The following SECISBP2L variants were observed in gnomAD, a reference collection of about 807,000 sequenced individuals.
SECISBP2L encodes the protein SECIS binding protein 2 like, also known as selenocysteine insertion sequence-binding protein 2-like.
Under a neutral mutation model 114.7 loss-of-function variants are expected in SECISBP2L, and 43 were observed. The ratio of observed to expected loss-of-function variants is 0.38; its 90% CI spans 0.29 to 0.48. The LOEUF (loss-of-function observed/expected upper bound fraction) is 0.48, where lower values mean the gene tolerates loss of function less well. SECISBP2L is among the 20% of genes least tolerant of loss of function. The probability of loss-of-function intolerance (pLI) is 0.98; values close to 1 mark genes in which losing one functional copy is unlikely to be tolerated. For missense variants in SECISBP2L, 1,136 were observed against 1,301.1 expected (o/e 0.87, Z 1.95); for synonymous variants, 451 against 439.7 (o/e 1.03, Z -0.32).
Position 49,000,944 on chromosome 15 carries a change from T to C in SECISBP2L, c.2181A>G (p.Lys727=). The change falls in exon 15 of 18, where the codon AAA becomes AAG. Residue 727 remains lysine (K), a synonymous_variant. Coordinates refer to ENST00000559471, the MANE Select transcript of SECISBP2L (RefSeq NM_001193489.2). The part of the protein sequence containing the change: ...RLVMGLREVT[K]HMKLNKIKCV... ...ACTTGATCTTGTTTAACTTCATATG[T>C]TTGGTAACTTCTCTTAGACCCATAA... 1 of 1,613,826 alleles carries C rather than the reference T, an allele frequency of 6.2e-7. No homozygotes were observed.
chr15:49,023,152 T>C (rs1457153045), intron 7 of SECISBP2L, among the ~76,000 whole-genome samples: 1 of 152,122 alleles, frequency 6.6e-6, no homozygotes. Context: ...AAGGAAAACC[T>C]AGCAAAATAT....
At chr15:49,046,024 C>T (rs1162229654) in intron 1 of SECISBP2L, among the ~76,000 whole-genome samples, 1 of 152,208 alleles carries the variant, frequency 6.6e-6, no homozygotes, top group Non-Finnish European at 1.5e-5. Context: ...CTTCTGACCC[C>T]TTCACCAAGC....
At chr15:49,019,927 G>A (rs1333732470) in intron 7 of SECISBP2L, among the ~76,000 whole-genome samples, 2 of 152,120 alleles carry the variant, frequency 1.3e-5, no homozygotes, top group Non-Finnish European at 2.9e-5. Flanking sequence ...CTACAGTATT[G>A]ATAAACTCAA....
chr15:49,035,279 T>C, intron 3 of SECISBP2L, 55 bp downstream of exon 3: 1 of 1,511,172 alleles, frequency 6.6e-7, no homozygotes, highest in Non-Finnish European at 9.0e-7. Context: ...AGCAAATTGC[T>C]TATACTAATA....
Position 48,992,246 on chromosome 15 carries a change from AC to A in SECISBP2L, c.3303del (p.Ter1102AsnfsTer37), listed in dbSNP as rs1901992851. ...HSDSNYTTQT[T>X] ...ATAGAGAGCCGACATTTCCTGAGTT[AC>A]GTAGTTTGCGTTGTGTAATTAGAAT... is the stretch of plus-strand genomic sequence containing the variant. On this transcript the variant is annotated frameshift_variant, in exon 18 of 18. Transcript: ENST00000559471. LOFTEE classifies it high-confidence loss of function. The A allele has an allele frequency of 6.3e-7, 1 of 1,596,040 alleles. No individual in the cohort carries two copies. The highest frequency in any genetic ancestry group is 8.5e-7 in the Non-Finnish European group (1 of 1,170,446).
chr15:48,992,026 G>T lies in SECISBP2L; in HGVS notation c.*218C>A. 1 of 431,408 alleles carries T rather than the reference G, an allele frequency of 2.3e-6. No individual in the cohort carries two copies. Among genetic ancestry groups the T allele is most frequent in the East Asian group, 3.4e-5 (1 of 29,654 alleles). 26.7% of individuals were successfully genotyped at this position (431,408 alleles called of 1,614,324 possible). A position where few individuals can be genotyped will look rare whatever the true frequency, so the allele number is the denominator to read the frequency against. ...ACTGTTTTTGATTACAAAATAAGCTGAAACAGATCTGAATTTTCCACACAG... is the reference window on the plus strand; with the variant it reads ...ACTGTTTTTGATTACAAAATAAGCTTAAACAGATCTGAATTTTCCACACAG... On this transcript the variant is annotated 3_prime_UTR_variant, in exon 18 of 18. Coordinates refer to ENST00000559471, the MANE Select transcript of SECISBP2L (RefSeq NM_001193489.2).
chr15:49,038,327 T>C (rs991439276), intron 1 of SECISBP2L, among the ~76,000 whole-genome samples: 4 of 152,072 alleles, frequency 2.6e-5, no homozygotes, highest in African/African-American at 9.7e-5. Flanking sequence ...TACTTCAGTT[T>C]CCCAGTACAC....
chr15:49,006,095 T>C (rs187115892), intron 14 of SECISBP2L, among the ~76,000 whole-genome samples: 18 of 152,332 alleles, frequency 1.2e-4, no homozygotes, highest in Admixed American at 7.8e-4. Context: ...TTCTGGCTTG[T>C]AGGGTTTCTG....
At chr15:49,016,453 C>CAT in intron 11 of SECISBP2L, 107 bp downstream of exon 11, 1 of 924,418 alleles carries the variant, frequency 1.1e-6, no homozygotes. Context: ...CACACACACA[C>CAT]ACATATATAT....
intron 11 of SECISBP2L, 147 bp downstream of exon 11, chr15:49,016,413 C>T: frequency 4.8e-6 from 3 of 627,974 alleles, no homozygotes; most frequent in East Asian, 6.5e-5. Context: ...ACTTAAAATA[C>T]ACACACACAA....
chr15:49,014,045 T>C (rs1449053095), intron 11 of SECISBP2L, among the ~76,000 whole-genome samples: 1 of 152,172 alleles, frequency 6.6e-6, no homozygotes, highest in Non-Finnish European at 1.5e-5. Flanking sequence ...ACAGTTTTTC[T>C]CTCATTATCA....
chr15:49,028,060 T>C (rs1902788047), intron 6 of SECISBP2L, 84 bp downstream of exon 6: 2 of 1,235,842 alleles, frequency 1.6e-6, no homozygotes, highest in Admixed American at 2.7e-5. Context: ...TTTTGCAGTA[T>C]CAGCAAGCCT....
Position 49,035,605 on chromosome 15 carries a change from G to C in SECISBP2L, c.257C>G (p.Pro86Arg), listed in dbSNP as rs1401403227. 3 of 1,614,046 alleles carry C rather than the reference G, an allele frequency of 1.9e-6. No individual in the cohort carries two copies. The highest frequency in any genetic ancestry group is 2.7e-5 in the African/African-American group (2 of 74,924). Reference sequence around the variant, plus strand: ...GGGATAGGCAAAGTATGGTCCAGTAGGGTTTGGATTGGGTTGTTGCCATCG... The same window carrying C: ...GGGATAGGCAAAGTATGGTCCAGTACGGTTTGGATTGGGTTGTTGCCATCG... The part of the protein sequence containing the change: ...DIRWQQPNPN[P>R]TGPYFAYPII... Residue 86 changes from proline to arginine, a missense_variant, in exon 3 of 18, where the codon CCT becomes CGT. Physicochemically the swap from Pro to Arg is moderately radical, Grantham distance 103. Transcript: ENST00000559471.
At chr15:49,024,296 G>A (rs530784602) in intron 7 of SECISBP2L, among the ~76,000 whole-genome samples, 3 of 152,200 alleles carry the variant, frequency 2.0e-5, no homozygotes, top group Admixed American at 1.3e-4. Flanking sequence ...AGGAGTTTGA[G>A]ACCAGCCTGG....
At position 48,999,964 on chromosome 15, in the gene SECISBP2L, T is replaced by G. The variant is rs971838253; in HGVS notation, c.2272A>C (p.Asn758His). ...SKGGLDEALY[N>H]VIAMAREQEI... The stretch of plus-strand genomic sequence containing the variant: ...TGTTCCCGTGCCATGGCTATAACAT[T>G]ATAGAGAGCCTCATCCAGACCACCT... Residue 758 changes from asparagine (N) to histidine (H), a missense_variant, in exon 16 of 18, where the codon AAT becomes CAT. Physicochemically the swap from Asn to His is moderately conservative, Grantham distance 68. Around this residue, in one of 2 missense-constraint regions of SECISBP2L, gnomAD observed 684 missense variants for 848.7 expected, o/e 0.81. Transcript: ENST00000559471. 1 of 1,613,850 alleles carries G rather than the reference T, an allele frequency of 6.2e-7. No individual in the cohort carries two copies. Among genetic ancestry groups the G allele is most frequent in the Non-Finnish European group, 8.5e-7 (1 of 1,179,868 alleles).
At chr15:49,027,912 T>C (rs539773549) in intron 6 of SECISBP2L, among the ~76,000 whole-genome samples, 3 of 152,276 alleles carry the variant, frequency 2.0e-5, no homozygotes, top group East Asian at 3.9e-4. Context: ...CCCGGCCCTA[T>C]AAACTTCTAA....
At chr15:49,023,562 C>T (rs1433856630) in intron 7 of SECISBP2L, among the ~76,000 whole-genome samples, 2 of 152,206 alleles carry the variant, frequency 1.3e-5, no homozygotes, top group African/African-American at 2.4e-5. Flanking sequence ...TGATTCTATA[C>T]ATACACATTT....
chr15:49,029,216 C>A (rs985818152), intron 4 of SECISBP2L, among the ~76,000 whole-genome samples: 1 of 152,098 alleles, frequency 6.6e-6, no homozygotes, highest in African/African-American at 2.4e-5. Context: ...AATACTAAAA[C>A]CACCATCAAC....
At chr15:49,005,694 G>A (rs1254475067) in intron 14 of SECISBP2L, among the ~76,000 whole-genome samples, 2 of 148,888 alleles carry the variant, frequency 1.3e-5, no homozygotes, top group Admixed American at 6.8e-5. Flanking sequence ...AATGGGTCTT[G>A]ACTCTTTATC....
Sources: gnomAD v4.1 joint callset for allele counts (sites outside exome capture counted in the v4.1 genomes callset) on GRCh38, gnomAD v4.1.1 for gene constraint, gnomAD v4.1.1 regional missense constraint, MANE v1.5 for transcripts, NCBI Gene and HGNC (gene_info 2026-07-23, HGNC 2026-07-21) for gene names.